BYSL: variants seen among roughly 807,000 people sequenced by gnomAD.
The protein encoded by BYSL is bystin like, also known as bystin.
BYSL carries 21 observed loss-of-function variants against 45.4 expected under a neutral mutation model. The ratio of observed to expected loss-of-function variants is 0.46; its 90% CI spans 0.33 to 0.67. The LOEUF is 0.67. Among genes scored for constraint, BYSL ranks in the 30% least tolerant of loss-of-function variants. The probability of loss-of-function intolerance (pLI) is 0.02; values close to 1 mark genes in which losing one functional copy is unlikely to be tolerated. For missense variants in BYSL, 522 were observed against 578.5 expected, an observed-to-expected ratio of 0.90 and a Z score of 1.00; for synonymous variants, 215 against 231.3, an observed-to-expected ratio of 0.93 and a Z score of 0.64.
In BYSL at chr6:41,931,835, T is replaced by C. The variant is rs747160022; in HGVS notation, c.968+5T>C. The C allele has an allele frequency of 6.2e-7, 1 of 1,610,390 alleles. No individual in the cohort carries two copies. Among genetic ancestry groups the C allele is most frequent in the South Asian group, 1.1e-5 (1 of 90,994 alleles). ...CATCCCTGTGTTGCACTCCAGGTAG[T>C]ATTGCTGGGGGTGGAAGGGGGCTGG... On this transcript the variant is annotated splice_donor_5th_base_variant and intron_variant, in intron 6 of 6. Coordinates refer to ENST00000230340, the MANE Select transcript of BYSL (RefSeq NM_004053.4).
chr6:41,908,934 G>A, the BYSL span: 1 of 367,242 alleles, frequency 2.7e-6, no homozygotes, highest in South Asian at 8.4e-5. Context: ...TGTAACCCCA[G>A]CACTTTGGGG....
At chr6:41,930,035 G>A in intron 2 of BYSL, 97 bp from the exon 3 acceptor site, 2 of 1,482,128 alleles carry the variant, frequency 1.3e-6, no homozygotes, top group South Asian at 2.4e-5. Context: ...GTATGGCGGT[G>A]CTCACAGGGG....
rs377518005 is a variant in BYSL at position 41,931,845 on chromosome 6, G to C, written c.968+15G>C. 1.6e-5 allele frequency: 26 copies of C among 1,604,018 alleles called. No homozygotes were observed. The highest frequency in any genetic ancestry group is 1.7e-5 in the Non-Finnish European group (20 of 1,171,000). On this transcript the variant is annotated intron_variant, in intron 6 of 6. Transcript: ENST00000230340. ...TTGCACTCCAGGTAGTATTGCTGGG[G>C]GTGGAAGGGGGCTGGTCAGTGGATA...
chr6:41,928,280 A>G (rs2127385842), intron 2 of BYSL, among the ~76,000 whole-genome samples: 2 of 152,292 alleles, frequency 1.3e-5, no homozygotes, highest in South Asian at 4.1e-4. Context: ...TATTAACATA[A>G]TGGTGTCCCT....
chr6:41,923,469 G>C (rs1281549169), intron 1 of BYSL, among the ~76,000 whole-genome samples: 2 of 152,074 alleles, frequency 1.3e-5, no homozygotes, highest in Admixed American at 1.3e-4. Flanking sequence ...GTTAATTTTT[G>C]TATTTTCAGT....
chr6:41,917,090 T>C, upstream of BYSL: 8 of 801,978 alleles, frequency 1.0e-5, no homozygotes, highest in South Asian at 2.6e-4. Context: ...TGCAACTTTA[T>C]TATTATTTTT....
the BYSL span, chr6:41,909,262 G>A: frequency 6.2e-7 from 1 of 1,612,916 alleles, no homozygotes; most frequent in Non-Finnish European, 8.5e-7. Context: ...TTTCACCAAG[G>A]TCTTACCTCC....
At chr6:41,916,292 T>TA in the BYSL span, among the ~76,000 whole-genome samples, 1 of 146,732 alleles carries the variant, frequency 6.8e-6, no homozygotes, top group African/African-American at 2.6e-5. Context: ...TAAAATAAAA[T>TA]AAAGTGGCCG....
At chr6:41,918,996 G>T (rs1775389997), upstream of BYSL, among the ~76,000 whole-genome samples, 1 of 150,446 alleles carries the variant, frequency 6.6e-6, no homozygotes, top group Non-Finnish European at 1.5e-5. Context: ...AGGCATGGTG[G>T]TGGGCGCCTG....
At chr6:41,912,324 G>A in the BYSL span, among the ~76,000 whole-genome samples, 4 of 140,426 alleles carry the variant, frequency 2.8e-5, no homozygotes, top group Non-Finnish European at 4.5e-5. Context: ...TCACAGGTAT[G>A]AGCCACTGCA....
At chr6:41,926,579 T>C (rs965117627) in intron 1 of BYSL, among the ~76,000 whole-genome samples, 1 of 151,662 alleles carries the variant, frequency 6.6e-6, no homozygotes, top group Non-Finnish European at 1.5e-5. Context: ...GCCTTCCAAA[T>C]AGCTGGGACT....
rs746890117 is a variant in BYSL, at chr6:41,932,761, G to A, written c.*55G>A. ...GGTTTGGAAGGACACCAAGACCCCC[G>A]TTGGTGACTGAAGATGACACTGAGC... is the stretch of plus-strand genomic sequence containing the variant. On this transcript the variant is annotated 3_prime_UTR_variant, in exon 7 of 7. Transcript: ENST00000230340. This position sits in a 1 kb window ranked among gnomAD's most constrained non-coding sequence, Gnocchi z 4.7. The A allele has an allele frequency of 8.4e-5, 128 of 1,518,936 alleles. No homozygotes were observed. The highest frequency in any genetic ancestry group is 2.3e-4 in the African/African-American group (17 of 72,582). 94.1% of individuals were successfully genotyped at this position (1,518,936 alleles called of 1,614,324 possible). A position where few individuals can be genotyped will look rare whatever the true frequency, so the allele number is the denominator to read the frequency against.
chr6:41,932,619 C>T lies in BYSL; in HGVS notation c.1227C>T (p.Pro409=), dbSNP rs896266183. The T allele has an allele frequency of 4.3e-6, 7 of 1,614,086 alleles. No individual in the cohort carries two copies. In the African/African-American group the frequency reaches 9.3e-5, roughly 22 times the overall value. The change falls in exon 7 of 7, where the codon CCC becomes CCT. Residue 409 remains proline, a synonymous_variant. Transcript: ENST00000230340. This position sits in a 1 kb window ranked among gnomAD's most constrained non-coding sequence, Gnocchi z 4.7. ...EALLELLRLQ[P]HPQLSPEIRR... ...TCTTAGAACTGCTCCGGCTGCAGCC[C>T]CATCCACAGCTATCGCCCGAAATCA...
In BYSL at chr6:41,933,006, C is replaced by T. The variant is rs1775663240; in HGVS notation, c.*300C>T. The T allele has an allele frequency of 2.5e-6, 1 of 393,508 alleles. No homozygotes were observed. The highest frequency in any genetic ancestry group is 4.7e-6 in the Non-Finnish European group (1 of 214,026). 24.4% of individuals were successfully genotyped at this position (393,508 alleles called of 1,614,324 possible). A position where few individuals can be genotyped will look rare whatever the true frequency, so the allele number is the denominator to read the frequency against. On this transcript the variant is annotated 3_prime_UTR_variant, in exon 7 of 7. Transcript: ENST00000230340. ...AGTACTTTTTCTATGGCTATTGTGTCAGGTCACTGTGGATAAAGGCAAAGA... is the reference window on the plus strand; with the variant it reads ...AGTACTTTTTCTATGGCTATTGTGTTAGGTCACTGTGGATAAAGGCAAAGA...
chr6:41,918,435 C>A (rs1447588492), upstream of BYSL, among the ~76,000 whole-genome samples: 1 of 150,662 alleles, frequency 6.6e-6, no homozygotes, highest in Non-Finnish European at 1.5e-5. Flanking sequence ...AACCAGGAGG[C>A]GGAGGTTGCA....
Position 41,932,741 on chromosome 6 carries a change from G to C in BYSL, c.*35G>C, listed in dbSNP as rs772447526. 2 of 1,569,792 alleles carry C rather than the reference G, an allele frequency of 1.3e-6. No homozygotes were observed. The highest frequency in any genetic ancestry group is 3.6e-5 in the Admixed American group (2 of 56,242). On this transcript the variant is annotated 3_prime_UTR_variant, in exon 7 of 7. Transcript: ENST00000230340. This position sits in a 1 kb window ranked among gnomAD's most constrained non-coding sequence, Gnocchi z 4.7. Reference sequence around the variant, plus strand: ...TCAGCTGTCCTGGCCAAAGGGGTTTGGAAGGACACCAAGACCCCCGTTGGT... The same window carrying C: ...TCAGCTGTCCTGGCCAAAGGGGTTTCGAAGGACACCAAGACCCCCGTTGGT...
chr6:41,918,551 C>T (rs1775374551), upstream of BYSL, among the ~76,000 whole-genome samples: 1 of 151,960 alleles, frequency 6.6e-6, no homozygotes, highest in Non-Finnish European at 1.5e-5. Flanking sequence ...CGGTGGCTCA[C>T]GCCTGTAATC....
upstream of BYSL, among the ~76,000 whole-genome samples, chr6:41,917,229 G>A (rs375888441): frequency 6.6e-5 from 10 of 151,986 alleles, no homozygotes; most frequent in African/African-American, 1.7e-4. Flanking sequence ...GTGAAACCCC[G>A]TCTCTACTAA....
At position 41,931,482 on chromosome 6, in the gene BYSL, A is replaced by AATAC; in HGVS notation, c.793_796dup (p.Lys266IlefsTer46). The AATAC allele has an allele frequency of 6.2e-7, 1 of 1,614,202 alleles. No homozygotes were observed. The highest frequency in any genetic ancestry group is 8.5e-7 in the Non-Finnish European group (1 of 1,180,034). On this transcript the variant is annotated frameshift_variant, in exon 5 of 7. Transcript: ENST00000230340. LOFTEE classifies it high-confidence loss of function. ...CCTCGAGTACGAGATGACGTTGCTG[A>AATAC]ATACAAACGACTCAACTTCCATCTC...
Sources: allele counts gnomAD v4.1 joint callset (sites outside exome capture counted in the v4.1 genomes callset), GRCh38; gene constraint gnomAD v4.1.1; non-coding constraint Gnocchi (gnomAD v3.1); transcripts MANE v1.5; gene names NCBI Gene and HGNC (gene_info 2026-07-23, HGNC 2026-07-21).